The following NFIX variants were observed in gnomAD, a reference collection of about 807,000 sequenced individuals.
NFIX encodes the protein nuclear factor I X, also known as nuclear factor 1 X-type.
NFIX carries 2 observed loss-of-function variants against 53.3 expected under a neutral mutation model. The ratio of observed to expected loss-of-function variants is 0.04; its 90% CI spans 0.02 to 0.12. The LOEUF is 0.12. Ranked by LOEUF, NFIX falls within the 10% of genes least tolerant of loss-of-function variation. NFIX has a pLI of 1.00. For missense variants in NFIX, 310 were observed against 674.5 expected (o/e 0.46, Z 5.99); for synonymous variants, 244 against 289.0 (o/e 0.84, Z 1.58).
intron 1 of NFIX, among the ~76,000 whole-genome samples, chr19:13,020,184 A>G (rs1238079422): frequency 6.6e-6 from 1 of 152,152 alleles, no homozygotes; most frequent in African/African-American, 2.4e-5. Context: ...GAAGAGAAGG[A>G]GGCTGGGCTG....
rs1474189792 is a variant in NFIX at position 13,096,609 on chromosome 19, C to CG, written c.*1963dup. ...GAGTAAGGCCCCGGGGGTGGGGGGC[C>CG]GGGTGGGCCGGGCGTGACGCGCGGT... On this transcript the variant is annotated 3_prime_UTR_variant, in exon 11 of 11. Transcript: ENST00000592199. 1.4e-5 allele frequency: 2 copies of CG among 139,718 alleles called. No individual in the cohort carries two copies. The highest frequency in any genetic ancestry group is 3.1e-5 in the Non-Finnish European group (2 of 64,094). 8.7% of individuals were successfully genotyped at this position (139,718 alleles called of 1,614,324 possible). A position where few individuals can be genotyped will look rare whatever the true frequency, so the allele number is the denominator to read the frequency against.
chr19:12,996,108 C>A lies in NFIX; in HGVS notation c.27+244C>A, dbSNP rs2011456611. ...CCGGGGGTGGCCAGCTGCGTCGTGG[C>A]GCTGCCCGTGGAGCGCAGGCGGGAG... On this transcript the variant is annotated intron_variant, in intron 1 of 10. Coordinates refer to ENST00000592199, the MANE Select transcript of NFIX (RefSeq NM_001365902.3). The surrounding 1 kb of genome is among the most constrained non-coding windows in gnomAD (Gnocchi z 5.2). 6.6e-6 allele frequency among the ~76,000 whole-genome samples: 1 copy of A among 151,042 alleles called. No homozygotes were observed. Among genetic ancestry groups the A allele is most frequent in the Admixed American group, 6.6e-5 (1 of 15,220 alleles).
At position 13,045,703 on chromosome 19, in the gene NFIX, G is replaced by A. The variant is rs1368531958; in HGVS notation, c.559+20151G>A. 6.6e-6 allele frequency among the ~76,000 whole-genome samples: 1 copy of A among 152,150 alleles called. No homozygotes were observed. Among genetic ancestry groups the A allele is most frequent in the Non-Finnish European group, 1.5e-5 (1 of 68,012 alleles). ...ACTGCACTGTGTTGACCCCATGGCG[G>A]GCATCAGGGGACCACAGGCTGTGGT... On this transcript the variant is annotated intron_variant, in intron 2 of 10. Coordinates refer to ENST00000592199, the MANE Select transcript of NFIX (RefSeq NM_001365902.3). This position sits in a 1 kb window ranked among gnomAD's most constrained non-coding sequence, Gnocchi z 4.4.
rs1029538824 is a variant in NFIX at position 13,001,009 on chromosome 19, A to T, written c.27+5145A>T. Among the ~76,000 whole-genome samples, 1 of 152,128 alleles carries T rather than the reference A, an allele frequency of 6.6e-6. No homozygotes were observed. The highest frequency in any genetic ancestry group is 2.4e-5 in the African/African-American group (1 of 41,398). ...ACCCCCATGAAGCTGGAATCTGGGG[A>T]CTTGCTGGACCAGAGAGGTAGGGGA... On this transcript the variant is annotated intron_variant, in intron 1 of 10. Coordinates refer to ENST00000592199, the MANE Select transcript of NFIX (RefSeq NM_001365902.3). This position sits in a 1 kb window ranked among gnomAD's most constrained non-coding sequence, Gnocchi z 6.5.
At chr19:12,999,384 G>A (rs976269562) in intron 1 of NFIX, among the ~76,000 whole-genome samples, 5 of 151,732 alleles carry the variant, frequency 3.3e-5, no homozygotes, top group Admixed American at 6.6e-5. Context: ...ATCTTGGCCC[G>A]GCTGGTCTTG....
rs554095354 is a variant in NFIX, at chr19:13,079,788, A to G, written c.1078+1053A>G. 2.8e-3 allele frequency among the ~76,000 whole-genome samples: 429 copies of G among 152,308 alleles called. 1 individual carries two copies. The highest frequency in any genetic ancestry group is 8.5e-3 in the South Asian group (41 of 4,830). On this transcript the variant is annotated intron_variant, in intron 7 of 10. Transcript: ENST00000592199. ...AGAAGCCAAGTTTCCTCAGCCCCCT[A>G]ATGAAACCGAGAGCAAGAGCGAGCT...
In NFIX at chr19:13,001,461, G is replaced by A. The variant is rs545610623; in HGVS notation, c.27+5597G>A. Among the ~76,000 whole-genome samples, 69 of 152,148 alleles carry A rather than the reference G, an allele frequency of 4.5e-4. No homozygotes were observed. The highest frequency in any genetic ancestry group is 2.9e-4 in the Non-Finnish European group (20 of 68,002). On this transcript the variant is annotated intron_variant, in intron 1 of 10. Transcript: ENST00000592199. The surrounding 1 kb of genome is among the most constrained non-coding windows in gnomAD (Gnocchi z 6.5). ...GATGTAGTCTCTGTGTCACGGTGGC[G>A]CTGCGCACGTCAACGGGTATTGGTG...
chr19:13,083,413 A>G (rs1476680355), intron 8 of NFIX, among the ~76,000 whole-genome samples: 1 of 152,106 alleles, frequency 6.6e-6, no homozygotes, highest in Non-Finnish European at 1.5e-5. Context: ...AAGGAGCCAA[A>G]CCTAACCACA....
rs962202362 is a variant in NFIX, at chr19:12,996,759, G to T, written c.27+895G>T. Among the ~76,000 whole-genome samples, 13 of 152,252 alleles carry T rather than the reference G, an allele frequency of 8.5e-5. No homozygotes were observed. The highest frequency in any genetic ancestry group is 1.9e-4 in the Non-Finnish European group (13 of 68,040). ...CGACAGTGCTGCGGCCACACCGTCG[G>T]GTCAGCCTCGGGCACAACAGCGCCG... On this transcript the variant is annotated intron_variant, in intron 1 of 10. Coordinates refer to ENST00000592199, the MANE Select transcript of NFIX (RefSeq NM_001365902.3). The surrounding 1 kb of genome is among the most constrained non-coding windows in gnomAD (Gnocchi z 5.2).
At chr19:13,092,546 G>A (rs938304338) in intron 10 of NFIX, among the ~76,000 whole-genome samples, 1 of 152,248 alleles carries the variant, frequency 6.6e-6, no homozygotes, top group African/African-American at 2.4e-5. Context: ...TCTGCCAGGA[G>A]CAGATAGGGC....
intron 1 of NFIX, among the ~76,000 whole-genome samples, chr19:13,015,529 G>C (rs1375951121): frequency 6.6e-6 from 1 of 152,126 alleles, no homozygotes; most frequent in Non-Finnish European, 1.5e-5. Context: ...TATCCCAGTG[G>C]GTGCCCATTC....
In NFIX at chr19:13,014,712, C is replaced by A. The variant is rs1314188620; in HGVS notation, c.28-10309C>A. 6.6e-6 allele frequency among the ~76,000 whole-genome samples: 1 copy of A among 152,266 alleles called. No homozygotes were observed. Among genetic ancestry groups the A allele is most frequent in the Non-Finnish European group, 1.5e-5 (1 of 68,054 alleles). ...TGCCCACTTGGGCTGGGCCTGGCAT[C>A]CAGCCCCAGAGGAGTGCTCTTGCCA... is the stretch of plus-strand genomic sequence containing the variant. On this transcript the variant is annotated intron_variant, in intron 1 of 10. Coordinates refer to ENST00000592199, the MANE Select transcript of NFIX (RefSeq NM_001365902.3). The surrounding 1 kb of genome is among the most constrained non-coding windows in gnomAD (Gnocchi z 4.4).
chr19:13,015,213 TAGAG>T (rs1163748974), intron 1 of NFIX, among the ~76,000 whole-genome samples: 2 of 152,174 alleles, frequency 1.3e-5, no homozygotes, highest in East Asian at 1.9e-4. Context: ...TTTTCCTCCT[TAGAG>T]AGATACTGTG....
intron 6 of NFIX, among the ~76,000 whole-genome samples, chr19:13,077,010 G>C (rs1451172558): frequency 6.6e-6 from 1 of 152,160 alleles, no homozygotes; most frequent in Non-Finnish European, 1.5e-5. Flanking sequence ...TGGGCCACAT[G>C]CTTCCCTAGG....
rs1214444695 is a variant in NFIX, at chr19:13,060,123, A to T, written c.560-12924A>T. Among the ~76,000 whole-genome samples the T allele has an allele frequency of 6.6e-6, 1 of 151,898 alleles. No individual in the cohort carries two copies. On this transcript the variant is annotated intron_variant, in intron 2 of 10. Transcript: ENST00000592199. This position sits in a 1 kb window ranked among gnomAD's most constrained non-coding sequence, Gnocchi z 4.3. The stretch of plus-strand genomic sequence containing the variant: ...CTTTTGGCCTCCATTTCTTCCCTCC[A>T]CTTCAGCCTCTGCTTTGGCAGGCTC...
intron 2 of NFIX, among the ~76,000 whole-genome samples, chr19:13,034,167 A>G (rs1206702024): frequency 6.6e-6 from 1 of 152,212 alleles, no homozygotes; most frequent in African/African-American, 2.4e-5. Flanking sequence ...GAAAACCTCA[A>G]GGGTCCCTGT....
chr19:13,094,706 G>A lies in NFIX; in HGVS notation c.*57G>A. Reference sequence around the variant, plus strand: ...AGAAGAGGTTCCTCGAAAGGGGGGAGAAGAAATTTTGAGAATGGAAAAATC... The same window carrying A: ...AGAAGAGGTTCCTCGAAAGGGGGGAAAAGAAATTTTGAGAATGGAAAAATC... On this transcript the variant is annotated 3_prime_UTR_variant, in exon 11 of 11. Transcript: ENST00000592199. The surrounding 1 kb of genome is among the most constrained non-coding windows in gnomAD (Gnocchi z 4.3). 1 of 1,515,692 alleles carries A rather than the reference G, an allele frequency of 6.6e-7. No homozygotes were observed. The highest frequency in any genetic ancestry group is 8.9e-7 in the Non-Finnish European group (1 of 1,128,702). The allele number at this position is 1,515,692 out of a possible 1,614,324, so 93.9% of individuals were successfully genotyped here. A position where few individuals can be genotyped will look rare whatever the true frequency, so the allele number is the denominator to read the frequency against.
rs549977973 is a variant in NFIX, at chr19:13,081,045, A to T, written c.1079-635A>T. On this transcript the variant is annotated intron_variant, in intron 7 of 10. Transcript: ENST00000592199. This position sits in a 1 kb window ranked among gnomAD's most constrained non-coding sequence, Gnocchi z 4.7. ...CTGGGCACAGTGGCTCATGCCTGTA[A>T]TCCCAGCACTTTGGGAGGCCAAGGC... is the stretch of plus-strand genomic sequence containing the variant. 6.6e-6 allele frequency among the ~76,000 whole-genome samples: 1 copy of T among 151,826 alleles called. No individual in the cohort carries two copies. Among genetic ancestry groups the T allele is most frequent in the East Asian group, 1.9e-4 (1 of 5,164 alleles).
Position 13,094,635 on chromosome 19 carries a change from T to A in NFIX, c.1495T>A (p.Ser499Thr). The change falls in exon 11 of 11, where the codon TCC becomes ACC. Residue 499 changes from serine (S) to threonine (T), a missense_variant and splice_region_variant. By Grantham distance (58) the Ser-to-Thr change is moderately conservative. Around this residue, in one of 5 missense-constraint regions of NFIX, gnomAD observed 44 missense variants for 73.4 expected, o/e 0.60. Transcript: ENST00000592199. This position sits in a 1 kb window ranked among gnomAD's most constrained non-coding sequence, Gnocchi z 4.3. The stretch of plus-strand genomic sequence containing the variant: ...TCGCCTCTTTTTCATCCTGTTTCAG[T>A]CCTGGTTCCTCTGATAAGATCGACA... ...NFLNIPQQSQ[S>T]WFL 1 of 1,536,068 alleles carries A rather than the reference T, an allele frequency of 6.5e-7. No homozygotes were observed. Among genetic ancestry groups the A allele is most frequent in the Non-Finnish European group, 8.7e-7 (1 of 1,146,814 alleles).
Sources: allele counts gnomAD v4.1 joint callset (sites outside exome capture counted in the v4.1 genomes callset), GRCh38; gene constraint gnomAD v4.1.1; regional missense constraint gnomAD v4.1.1; non-coding constraint Gnocchi (gnomAD v3.1); transcripts MANE v1.5; gene names NCBI Gene and HGNC (gene_info 2026-07-23, HGNC 2026-07-21).